The following ADAM10 variants were observed in gnomAD, a reference collection of about 807,000 sequenced individuals.
ADAM10 encodes ADAM metallopeptidase domain 10, also known as disintegrin and metalloproteinase domain-containing protein 10.
Under a neutral mutation model 90.1 loss-of-function variants are expected in ADAM10, and 17 were observed. That is an observed-to-expected ratio of 0.19 (90% CI 0.13 to 0.28). ADAM10 has a LOEUF of 0.28. Among genes scored for constraint, ADAM10 ranks in the 10% least tolerant of loss-of-function variants. ADAM10 has a pLI of 1.00. For synonymous variants in ADAM10, 310 were observed against 298.6 expected (o/e 1.04, Z -0.40); for missense variants, 610 against 914.3 (o/e 0.67, Z 4.29).
intron 2 of ADAM10, among the ~76,000 whole-genome samples, chr15:58,713,815 C>CTTT (rs1248840588): frequency 7.0e-6 from 1 of 142,184 alleles, no homozygotes; most frequent in African/African-American, 2.6e-5. Context: ...GAATTCTTTT[C>CTTT]TTTTTTTTTT....
intron 4 of ADAM10, among the ~76,000 whole-genome samples, chr15:58,675,830 G>C (rs1167071442): frequency 6.6e-6 from 1 of 152,102 alleles, no homozygotes; most frequent in African/African-American, 2.4e-5. Flanking sequence ...ATTAAGAAGA[G>C]GGTAGCCAAA....
chr15:58,677,875 C>T (rs1258611596), intron 4 of ADAM10, among the ~76,000 whole-genome samples: 3 of 152,084 alleles, frequency 2.0e-5, no homozygotes, highest in Admixed American at 2.0e-4. Context: ...GAAACTATAC[C>T]TGAAGAACTT....
chr15:58,729,777 A>G (rs543027946), intron 1 of ADAM10, among the ~76,000 whole-genome samples: 11 of 152,132 alleles, frequency 7.2e-5, no homozygotes, highest in African/African-American at 2.7e-4. Context: ...AGCCTGGCCA[A>G]CATGGCGAAA....
intron 2 of ADAM10, among the ~76,000 whole-genome samples, chr15:58,706,510 T>C (rs1393856192): frequency 2.0e-5 from 3 of 152,188 alleles, no homozygotes; most frequent in Admixed American, 1.3e-4. Flanking sequence ...ACAACAAATA[T>C]TATTTTGAGC....
In ADAM10 at chr15:58,708,965, T is replaced by C. The variant is rs1898389208; in HGVS notation, c.206+8612A>G. ...GAAGAATAAGTATTCAGAAGCTATA[T>C]CTAAAAGGAACTGTATATATGATGA... On this transcript the variant is annotated intron_variant, in intron 2 of 15. Coordinates refer to ENST00000260408, the MANE Select transcript of ADAM10 (RefSeq NM_001110.4). 5.3e-5 allele frequency among the ~76,000 whole-genome samples: 8 copies of C among 152,300 alleles called. No individual in the cohort carries two copies. In the South Asian group the frequency reaches 1.7e-3, roughly 32 times the overall value.
At chr15:58,737,066 A>G (rs1258069204) in intron 1 of ADAM10, among the ~76,000 whole-genome samples, 1 of 152,180 alleles carries the variant, frequency 6.6e-6, no homozygotes, top group African/African-American at 2.4e-5. Flanking sequence ...TCCTTGTCAC[A>G]GGAGAGCTTA....
At chr15:58,657,553 A>G (rs1896857464) in intron 5 of ADAM10, among the ~76,000 whole-genome samples, 1 of 152,080 alleles carries the variant, frequency 6.6e-6, no homozygotes, top group African/African-American at 2.4e-5. Context: ...TAATTATTTC[A>G]ATGTTTTTTA....
At chr15:58,662,410 G>A (rs1017834604) in intron 5 of ADAM10, among the ~76,000 whole-genome samples, 1 of 152,156 alleles carries the variant, frequency 6.6e-6, no homozygotes, top group Non-Finnish European at 1.5e-5. Flanking sequence ...ATGGATCACA[G>A]CAGCCTCAAC....
intron 5 of ADAM10, among the ~76,000 whole-genome samples, chr15:58,647,426 A>C (rs1367666400): frequency 6.6e-6 from 1 of 150,932 alleles, no homozygotes; most frequent in Non-Finnish European, 1.5e-5. Flanking sequence ...ACACCTGGCT[A>C]ATTTTGTTTC....
At chr15:58,678,691 AT>A (rs1188523170) in intron 4 of ADAM10, among the ~76,000 whole-genome samples, 1 of 152,230 alleles carries the variant, frequency 6.6e-6, no homozygotes, top group African/African-American at 2.4e-5. Flanking sequence ...GAAATACTCA[AT>A]GGACTTAAAA....
At chr15:58,610,082 C>T (rs1185705270) in intron 14 of ADAM10, 13 of 586,636 alleles carry the variant, frequency 2.2e-5, no homozygotes, top group Non-Finnish European at 3.6e-5. Context: ...GAATGACTCC[C>T]ATCACCTACT....
At chr15:58,598,926 C>A (rs1003117838) in intron 15 of ADAM10, among the ~76,000 whole-genome samples, 1 of 152,194 alleles carries the variant, frequency 6.6e-6, no homozygotes, top group East Asian at 1.9e-4. Context: ...GAATCCTCTA[C>A]TCTAAGACTT....
chr15:58,686,438 C>T, intron 2 of ADAM10: 1 of 1,366,254 alleles, frequency 7.3e-7, no homozygotes. Flanking sequence ...CGCGAGCGCC[C>T]TGCAGTGCCT....
chr15:58,730,899 C>T (rs1254651336), intron 1 of ADAM10, among the ~76,000 whole-genome samples: 5 of 152,224 alleles, frequency 3.3e-5, no homozygotes, highest in Admixed American at 6.5e-5. Context: ...CCTTCAGCCT[C>T]AGACAGAGTT....
intron 4 of ADAM10, chr15:58,676,417 T>C: frequency 2.8e-6 from 1 of 357,376 alleles, no homozygotes; most frequent in South Asian, 2.2e-5. Flanking sequence ...TAATTATTCT[T>C]ACTACTGCTG....
intron 5 of ADAM10, among the ~76,000 whole-genome samples, chr15:58,656,775 T>C (rs180803914): frequency 6.6e-6 from 1 of 152,212 alleles, no homozygotes; most frequent in Non-Finnish European, 1.5e-5. Context: ...GTGTACTTAT[T>C]ATTACCAATG....
chr15:58,735,627 T>C (rs750577381), intron 1 of ADAM10, among the ~76,000 whole-genome samples: 1 of 152,032 alleles, frequency 6.6e-6, no homozygotes, highest in Admixed American at 6.6e-5. Flanking sequence ...TAGGGAATAA[T>C]AACAAGAAAA....
chr15:58,665,893 ATCATCAT>A (rs571414408), intron 4 of ADAM10, among the ~76,000 whole-genome samples: 1,565 of 152,060 alleles, frequency 0.01, 12 homozygotes, highest in Non-Finnish European at 0.016. Flanking sequence ...TCATTCATTC[ATCATCAT>A]TCATCATTCA....
At chr15:58,677,159 C>T (rs1048587940) in intron 4 of ADAM10, among the ~76,000 whole-genome samples, 3 of 152,146 alleles carry the variant, frequency 2.0e-5, no homozygotes, top group African/African-American at 2.4e-5. Flanking sequence ...GAACTCCTTC[C>T]GTACTCCCAT....
Sources: gnomAD v4.1 joint callset for allele counts (sites outside exome capture counted in the v4.1 genomes callset) on GRCh38, gnomAD v4.1.1 for gene constraint, MANE v1.5 for transcripts, NCBI Gene and HGNC (gene_info 2026-07-23, HGNC 2026-07-21) for gene names.